Variants in STK24 observed in about 807,000 individuals in gnomAD.
STK24 encodes the protein serine/threonine kinase 24.
A neutral mutation model predicts 55.6 loss-of-function variants in STK24; 21 were observed. The observed-to-expected ratio is 0.38, with a 90% CI of 0.27 to 0.54. The LOEUF (loss-of-function observed/expected upper bound fraction) is 0.54, where lower values mean the gene tolerates loss of function less well. Ranked by LOEUF, STK24 falls within the 20% of genes least tolerant of loss-of-function variation. The pLI is 0.79. For missense variants in STK24, 383 were observed against 538.4 expected (o/e 0.71, Z 2.86); for synonymous variants, 200 against 215.2 (o/e 0.93, Z 0.62).
chr13:98,502,543 A>C (rs1436305747), intron 2 of STK24, among the ~76,000 whole-genome samples: 2 of 152,182 alleles, frequency 1.3e-5, no homozygotes, highest in Admixed American at 6.5e-5. Flanking sequence ...TTGGGTCATA[A>C]GGACGGAGCC....
chr13:98,495,649 C>A (rs958235714), intron 2 of STK24, among the ~76,000 whole-genome samples: 2 of 152,188 alleles, frequency 1.3e-5, no homozygotes, highest in Non-Finnish European at 2.9e-5. Flanking sequence ...TTCAGTTACA[C>A]TAGGACAGTG....
At chr13:98,541,474 T>C (rs1251711963) in intron 1 of STK24, among the ~76,000 whole-genome samples, 11 of 152,194 alleles carry the variant, frequency 7.2e-5, no homozygotes, top group Admixed American at 6.5e-4. Flanking sequence ...ATGAAAACTT[T>C]TGAGGTTGTG....
chr13:98,489,019 G>T (rs767347125), intron 2 of STK24, among the ~76,000 whole-genome samples: 1 of 152,232 alleles, frequency 6.6e-6, no homozygotes. Context: ...CCTTAAGAGC[G>T]TGAGTTTTTG....
chr13:98,522,767 T>C (rs1386120805), intron 1 of STK24, among the ~76,000 whole-genome samples: 1 of 152,168 alleles, frequency 6.6e-6, no homozygotes, highest in African/African-American at 2.4e-5. Context: ...ATAAGTGGCA[T>C]GGGACTGTGG....
chr13:98,569,608 G>A (rs1339170060), intron 1 of STK24, among the ~76,000 whole-genome samples: 2 of 152,122 alleles, frequency 1.3e-5, no homozygotes, highest in East Asian at 3.9e-4. Flanking sequence ...AGAGTGCTGG[G>A]ATGAATGAGA....
At chr13:98,494,361 C>G (rs977365270) in intron 2 of STK24, among the ~76,000 whole-genome samples, 21 of 132,900 alleles carry the variant, frequency 1.6e-4, no homozygotes, top group African/African-American at 5.5e-4. Context: ...TTGCAGTGAG[C>G]CGAGATTGCA....
intron 1 of STK24, among the ~76,000 whole-genome samples, chr13:98,532,024 G>A (rs1184063714): frequency 5.9e-5 from 9 of 152,106 alleles, no homozygotes; most frequent in Non-Finnish European, 1.5e-5. Context: ...GCTTCAGCCT[G>A]GACCGATTAA....
chr13:98,455,472 C>T (rs1256939894), intron 10 of STK24: 2 of 152,200 alleles, frequency 1.3e-5, no homozygotes, highest in Admixed American at 6.5e-5. Context: ...AACTCTTGGC[C>T]TCAAGCGATC....
At chr13:98,489,258 G>A (rs1452951390) in intron 2 of STK24, among the ~76,000 whole-genome samples, 1 of 152,180 alleles carries the variant, frequency 6.6e-6, no homozygotes, top group Non-Finnish European at 1.5e-5. Flanking sequence ...CACTATTACT[G>A]TGTTAACTCC....
chr13:98,496,787 C>T (rs1895266783), intron 2 of STK24, among the ~76,000 whole-genome samples: 1 of 152,192 alleles, frequency 6.6e-6, no homozygotes, highest in South Asian at 2.1e-4. Context: ...GTTGATTAAT[C>T]GGAGCCAACA....
intron 2 of STK24, among the ~76,000 whole-genome samples, chr13:98,496,580 C>T (rs953458219): frequency 1.2e-4 from 19 of 152,194 alleles, no homozygotes; most frequent in East Asian, 1.9e-4. Flanking sequence ...ACGAGATCAA[C>T]GATTTGGCTG....
In STK24 at chr13:98,449,337, A is replaced by T. The variant is rs917300249; in HGVS notation, c.*3836T>A. 1.3e-5 allele frequency: 2 copies of T among 152,126 alleles called. No individual in the cohort carries two copies. Among genetic ancestry groups the T allele is most frequent in the Admixed American group, 1.3e-4 (2 of 15,282 alleles). 9.4% of individuals were successfully genotyped at this position (152,126 alleles called of 1,614,324 possible). ...TGTCTTCAAAAACATTTCCCTTTTT[A>T]TACTCATTCCCCCCAGGCATGGGGT... On this transcript the variant is annotated 3_prime_UTR_variant, in exon 11 of 11. Coordinates refer to ENST00000539966, the MANE Select transcript of STK24 (RefSeq NM_001032296.4).
intron 1 of STK24, among the ~76,000 whole-genome samples, chr13:98,559,544 T>C (rs1179472274): frequency 6.6e-6 from 1 of 152,204 alleles, no homozygotes; most frequent in African/African-American, 2.4e-5. Context: ...CATAGCAGTA[T>C]GAAAATGGAC....
At chr13:98,552,647 G>A (rs886999191) in intron 1 of STK24, among the ~76,000 whole-genome samples, 4 of 152,082 alleles carry the variant, frequency 2.6e-5, no homozygotes, top group East Asian at 3.9e-4. Context: ...GGTGGCTACC[G>A]AGGGCGCCTT....
intron 2 of STK24, among the ~76,000 whole-genome samples, chr13:98,505,438 T>C (rs1447341348): frequency 6.6e-6 from 1 of 152,246 alleles, no homozygotes; most frequent in Non-Finnish European, 1.5e-5. Context: ...AGCAGAAGCA[T>C]GTATGTAAAT....
At chr13:98,457,403 C>T in intron 9 of STK24, 99 bp from the exon 10 acceptor site, 1 of 1,565,418 alleles carries the variant, frequency 6.4e-7, no homozygotes, top group South Asian at 1.1e-5. Context: ...GACCACGACA[C>T]TACCCCAGCC....
At chr13:98,571,073 G>A (rs750937478) in intron 1 of STK24, among the ~76,000 whole-genome samples, 4 of 152,142 alleles carry the variant, frequency 2.6e-5, no homozygotes, top group Admixed American at 6.5e-5. Context: ...CTGAATCATC[G>A]GGAGTAATCG....
At chr13:98,482,721 T>C (rs1894643022) in intron 2 of STK24, among the ~76,000 whole-genome samples, 1 of 152,194 alleles carries the variant, frequency 6.6e-6, no homozygotes, top group Non-Finnish European at 1.5e-5. Context: ...GGGAGAGCAG[T>C]GCCAAGGCAA....
chr13:98,475,426 G>C (rs2139288168), intron 3 of STK24, 68 bp from the exon 4 acceptor site: 1 of 1,104,702 alleles, frequency 9.1e-7, no homozygotes, highest in Non-Finnish European at 1.3e-6. Context: ...AGATAAAACA[G>C]AAACACTATC....
Sources: allele counts gnomAD v4.1 joint callset (sites outside exome capture counted in the v4.1 genomes callset), GRCh38; gene constraint gnomAD v4.1.1; transcripts MANE v1.5; gene names NCBI Gene and HGNC (gene_info 2026-07-23, HGNC 2026-07-21).